SDK1: variants seen among roughly 807,000 people sequenced by gnomAD.
The protein encoded by SDK1 is sidekick cell adhesion molecule 1, also known as protein sidekick-1.
A neutral mutation model predicts 245.5 loss-of-function variants in SDK1; 157 were observed. That is an observed-to-expected ratio of 0.64 (90% confidence interval 0.56 to 0.73). The LOEUF is 0.73. Ranked by LOEUF, SDK1 falls within the 30% of genes least tolerant of loss-of-function variation. The pLI is 0.00. For missense variants in SDK1, 3,583 were observed against 3,002.3 expected, an observed-to-expected ratio of 1.19 and a Z score of -4.52; for synonymous variants, 1,647 against 1,278.5, an observed-to-expected ratio of 1.29 and a Z score of -6.15.
At chr7:3,706,207 A>G (rs1000396131) in intron 4 of SDK1, among the ~76,000 whole-genome samples, 2 of 152,052 alleles carry the variant, frequency 1.3e-5, no homozygotes, top group African/African-American at 4.8e-5. Flanking sequence ...TTCATCAAGG[A>G]TATTGGTCTG....
chr7:3,318,901 C>T (rs530220635), intron 1 of SDK1, among the ~76,000 whole-genome samples: 2 of 152,220 alleles, frequency 1.3e-5, no homozygotes, highest in South Asian at 2.1e-4. Context: ...ATTGGGATTT[C>T]AGCTGGGATA....
intron 14 of SDK1, among the ~76,000 whole-genome samples, chr7:3,988,170 C>T (rs1299642313): frequency 1.4e-5 from 2 of 139,894 alleles, no homozygotes; most frequent in Non-Finnish European, 3.1e-5. Context: ...CTCACTCCTG[C>T]AGCCACCCAA....
At chr7:3,969,229 C>G in intron 10 of SDK1, 28 bp from the exon 11 acceptor site, 1 of 1,548,162 alleles carries the variant, frequency 6.5e-7, no homozygotes, top group Admixed American at 1.9e-5. Flanking sequence ...ACGACTGTAA[C>G]ATGCCTCTTT....
chr7:4,100,910 T>G (rs995637649), intron 22 of SDK1, among the ~76,000 whole-genome samples: 1 of 152,116 alleles, frequency 6.6e-6, no homozygotes, highest in Non-Finnish European at 1.5e-5. Context: ...CTGCCCCTCC[T>G]TCCCTGTGGC....
chr7:4,127,172 G>A (rs776065949), intron 25 of SDK1, among the ~76,000 whole-genome samples: 1 of 152,154 alleles, frequency 6.6e-6, no homozygotes, highest in Non-Finnish European at 1.5e-5. Flanking sequence ...AAATTGAGCT[G>A]CTAAGTACCC....
intron 1 of SDK1, among the ~76,000 whole-genome samples, chr7:3,570,714 A>G (rs190124886): frequency 6.6e-6 from 1 of 152,338 alleles, no homozygotes; most frequent in Non-Finnish European, 1.5e-5. Context: ...AGTCTCACGT[A>G]ACGAGGCCTG....
At chr7:4,162,601 T>C in intron 32 of SDK1, among the ~76,000 whole-genome samples, 1 of 151,978 alleles carries the variant, frequency 6.6e-6, no homozygotes, top group Non-Finnish European at 1.5e-5. Context: ...GGTTTCACCA[T>C]GTTGACCAGG....
chr7:4,267,041 A>G lies in SDK1; in HGVS notation c.*1657A>G. On this transcript the variant is annotated 3_prime_UTR_variant, in exon 45 of 45. Transcript: ENST00000404826. ...GCACCTCCATGGGCAGAGGGTGTGG[A>G]TATTGCCTGGATTCTGTGCTGTCAG... 1 of 985,470 alleles carries G rather than the reference A, an allele frequency of 1.0e-6. No individual in the cohort carries two copies. The highest frequency in any genetic ancestry group is 1.2e-6 in the Non-Finnish European group (1 of 829,984). The allele number at this position is 985,470 out of a possible 1,614,324, so 61.0% of individuals were successfully genotyped here. A position where few individuals can be genotyped will look rare whatever the true frequency, so the allele number is the denominator to read the frequency against.
intron 42 of SDK1, among the ~76,000 whole-genome samples, chr7:4,240,789 C>G (rs961867193): frequency 1.2e-4 from 19 of 152,210 alleles, no homozygotes; most frequent in Middle Eastern, 3.4e-3. Flanking sequence ...CGCCTCTGGT[C>G]TCAGGGCGTT....
At chr7:3,861,613 G>C (rs1287186852) in intron 5 of SDK1, among the ~76,000 whole-genome samples, 1 of 152,144 alleles carries the variant, frequency 6.6e-6, no homozygotes, top group Admixed American at 6.5e-5. Context: ...AGGGATGTCT[G>C]TTAACTTGGT....
chr7:3,990,076 C>T (rs528753051), intron 14 of SDK1, among the ~76,000 whole-genome samples: 1 of 152,356 alleles, frequency 6.6e-6, no homozygotes, highest in Non-Finnish European at 1.5e-5. Context: ...GGAGAGGCCA[C>T]ACTTGGGCGT....
At chr7:3,418,853 C>T (rs200376685) in intron 1 of SDK1, among the ~76,000 whole-genome samples, 21 of 152,310 alleles carry the variant, frequency 1.4e-4, no homozygotes, top group South Asian at 1.2e-3. Flanking sequence ...CCCTACCCCT[C>T]GCCTATGGTC....
At chr7:3,951,095 C>T (rs983704987) in intron 6 of SDK1, 61 bp downstream of exon 6, 22 of 1,227,246 alleles carry the variant, frequency 1.8e-5, no homozygotes, top group African/African-American at 1.2e-4. Flanking sequence ...GACGAGCCGA[C>T]GATAGAAGGA....
At chr7:3,938,509 G>A (rs1380015531) in intron 5 of SDK1, among the ~76,000 whole-genome samples, 2 of 152,054 alleles carry the variant, frequency 1.3e-5, no homozygotes, top group African/African-American at 4.8e-5. Context: ...AGCCGGGCGT[G>A]GTGGCAGGCA....
chr7:3,766,179 T>A (rs1780248335), intron 4 of SDK1, among the ~76,000 whole-genome samples: 1 of 152,190 alleles, frequency 6.6e-6, no homozygotes, highest in Admixed American at 6.5e-5. Flanking sequence ...AATATTAATT[T>A]ATAGAGGACA....
chr7:3,687,862 C>T (rs570181725), intron 4 of SDK1, among the ~76,000 whole-genome samples: 55 of 152,164 alleles, frequency 3.6e-4, no homozygotes, highest in Non-Finnish European at 7.1e-4. Context: ...AAGCTGTCGT[C>T]ATTGCAGGAA....
chr7:3,360,154 T>A (rs1780914517), intron 1 of SDK1, among the ~76,000 whole-genome samples: 3 of 152,186 alleles, frequency 2.0e-5, no homozygotes, highest in Admixed American at 1.3e-4. Flanking sequence ...TCTAACCACT[T>A]TTATTAGTTT....
At chr7:3,314,476 A>G (rs1779617485) in intron 1 of SDK1, among the ~76,000 whole-genome samples, 1 of 152,256 alleles carries the variant, frequency 6.6e-6, no homozygotes, top group South Asian at 2.1e-4. Context: ...GATAAAGCAT[A>G]CACAAAGAGG....
chr7:3,539,764 A>G (rs557928002), intron 1 of SDK1, among the ~76,000 whole-genome samples: 1 of 152,326 alleles, frequency 6.6e-6, no homozygotes, highest in Non-Finnish European at 1.5e-5. Flanking sequence ...GAATTATTGC[A>G]TTAATTTTTA....
Sources: gnomAD v4.1 joint callset for allele counts (sites outside exome capture counted in the v4.1 genomes callset) on GRCh38, gnomAD v4.1.1 for gene constraint, MANE v1.5 for transcripts, NCBI Gene and HGNC (gene_info 2026-07-23, HGNC 2026-07-21) for gene names.